Variants in DENND2C observed in about 807,000 individuals in gnomAD.
The protein encoded by DENND2C is DENN domain-containing protein 2C.
DENND2C carries 72 observed loss-of-function variants against 112.4 expected under a neutral mutation model. The observed-to-expected ratio is 0.64, with a 90% confidence interval of 0.53 to 0.78. The LOEUF (loss-of-function observed/expected upper bound fraction) is 0.78. DENND2C is among the 30% of genes least tolerant of loss of function. The pLI, the probability that DENND2C is intolerant of heterozygous loss-of-function variation, is 0.00. For missense variants in DENND2C, 992 were observed against 1,113.8 expected (o/e 0.89, Z 1.56); for synonymous variants, 329 against 381.6 (o/e 0.86, Z 1.61).
At chr1:114,617,502 G>A (rs1315929364) in intron 8 of DENND2C, among the ~76,000 whole-genome samples, 3 of 152,014 alleles carry the variant, frequency 2.0e-5, no homozygotes, top group Non-Finnish European at 4.4e-5. Context: ...GTAGAGACAG[G>A]TTTCTCTATG....
Position 114,632,597 on chromosome 1 carries a change from A to G in DENND2C, c.-204-6409T>C, listed in dbSNP as rs935006414. ...ATTTGTCAACAGCAGGCCTGCATTC[A>G]GAGCCAGTGACATAATTTATGAGTC... is the stretch of plus-strand genomic sequence containing the variant. On this transcript the variant is annotated intron_variant, in intron 3 of 20. Transcript: ENST00000393274. 5.6e-4 allele frequency among the ~76,000 whole-genome samples: 86 copies of G among 152,238 alleles called. 3 individuals are homozygous for G. Among genetic ancestry groups the G allele is most frequent in the Non-Finnish European group, 2.9e-5 (2 of 68,044 alleles).
chr1:114,610,966 A>C, intron 9 of DENND2C, 107 bp downstream of exon 9: 2 of 1,295,344 alleles, frequency 1.5e-6, no homozygotes, highest in Non-Finnish European at 2.2e-6. Flanking sequence ...TCATCTACAA[A>C]ATGGAACTTC....
At chr1:114,633,329 T>C (rs951609002) in intron 3 of DENND2C, among the ~76,000 whole-genome samples, 1 of 148,356 alleles carries the variant, frequency 6.7e-6, no homozygotes, top group Non-Finnish European at 1.5e-5. Context: ...CCAGTAATCC[T>C]AGCTACTCAA....
intron 2 of DENND2C, among the ~76,000 whole-genome samples, chr1:114,647,172 AGAGAG>A (rs1239559032): frequency 6.1e-4 from 91 of 150,246 alleles, no homozygotes; most frequent in Admixed American, 3.8e-3. Flanking sequence ...AAAAAAAAAA[AGAGAG>A]AGAGAGAGAG....
intron 11 of DENND2C, among the ~76,000 whole-genome samples, chr1:114,603,692 C>T (rs1052698579): frequency 4.0e-5 from 6 of 151,728 alleles, no homozygotes; most frequent in Non-Finnish European, 5.9e-5. Flanking sequence ...TGCACACCAC[C>T]GTGTCTGGCT....
chr1:114,589,225 C>T (rs1321558108), intron 18 of DENND2C, among the ~76,000 whole-genome samples: 2 of 152,126 alleles, frequency 1.3e-5, no homozygotes, highest in Non-Finnish European at 2.9e-5. Flanking sequence ...TTTTTCCCCC[C>T]GCCCTCTTCA....
intron 11 of DENND2C, among the ~76,000 whole-genome samples, chr1:114,604,217 A>G (rs1372478718): frequency 1.3e-5 from 2 of 152,240 alleles, no homozygotes; most frequent in African/African-American, 4.8e-5. Flanking sequence ...GAGATATTTA[A>G]GCAACAGCTG....
chr1:114,612,256 T>A (rs1409039288), intron 8 of DENND2C, among the ~76,000 whole-genome samples: 1 of 152,196 alleles, frequency 6.6e-6, no homozygotes, highest in Admixed American at 6.5e-5. Context: ...TAGTATTTAT[T>A]GATGAAGATT....
At chr1:114,663,781 A>G (rs1165527642) in intron 1 of DENND2C, among the ~76,000 whole-genome samples, 1 of 152,240 alleles carries the variant, frequency 6.6e-6, no homozygotes, top group Non-Finnish European at 1.5e-5. Flanking sequence ...GTTTTATTGG[A>G]ACACAGTCCA....
At chr1:114,611,002 C>G (rs1402783358) in intron 9 of DENND2C, 71 bp downstream of exon 9, 4 of 1,557,214 alleles carry the variant, frequency 2.6e-6, no homozygotes, top group Non-Finnish European at 3.5e-6. Flanking sequence ...TGCTTAGTCA[C>G]AAAGGTAGGT....
intron 18 of DENND2C, among the ~76,000 whole-genome samples, chr1:114,592,889 G>A (rs902858104): frequency 3.9e-5 from 6 of 151,984 alleles, no homozygotes; most frequent in African/African-American, 7.3e-5. Context: ...CTTAATCGTC[G>A]CCATACTTGG....
At chr1:114,638,501 G>A (rs965367966) in intron 3 of DENND2C, among the ~76,000 whole-genome samples, 7 of 152,268 alleles carry the variant, frequency 4.6e-5, no homozygotes, top group Non-Finnish European at 8.8e-5. Context: ...GCTCACACCT[G>A]TAATCCCAGC....
At chr1:114,609,401 T>C (rs1655752668) in intron 9 of DENND2C, among the ~76,000 whole-genome samples, 1 of 152,200 alleles carries the variant, frequency 6.6e-6, no homozygotes, top group African/African-American at 2.4e-5. Flanking sequence ...CCTTCTCTCC[T>C]TGCCACATAT....
At position 114,617,500 on chromosome 1, in the gene DENND2C, A is replaced by C. The variant is rs531514178; in HGVS notation, c.1324+886T>G. 1.8e-3 allele frequency among the ~76,000 whole-genome samples: 270 copies of C among 152,050 alleles called. 1 individual carries two copies. The highest frequency in any genetic ancestry group is 2.2e-3 in the Non-Finnish European group (150 of 67,950). On this transcript the variant is annotated intron_variant, in intron 8 of 20. Coordinates refer to ENST00000393274, the MANE Select transcript of DENND2C (RefSeq NM_001256404.2). ...TAATTTTTGTATTTTTAGTAGAGAC[A>C]GGTTTCTCTATGTTGGTCAGGCTGG... is the stretch of plus-strand genomic sequence containing the variant.
chr1:114,618,431 C>T lies in DENND2C; in HGVS notation c.1279G>A (p.Val427Ile). 1.3e-6 allele frequency: 2 copies of T among 1,594,844 alleles called. No homozygotes were observed. Among genetic ancestry groups the T allele is most frequent in the East Asian group, 2.3e-5 (1 of 44,338 alleles). ...TTTCCAGTGTAAGAATGTAACTTTA[C>T]CTTCTTCTTCCCTCTTTTAGATTCA... ...IFESKRGKKKVKLHSYTGKEL... is the reference protein window; with the variant it reads ...IFESKRGKKKIKLHSYTGKEL... The change falls in exon 8 of 21, where the codon GTA (valine) becomes ATA (isoleucine). Residue 427 changes from valine to isoleucine, a missense_variant. Around this residue, in one of 3 missense-constraint regions of DENND2C, gnomAD observed 516 missense variants for 623.6 expected, o/e 0.83. Transcript: ENST00000393274.
intron 1 of DENND2C, among the ~76,000 whole-genome samples, chr1:114,657,641 G>A (rs988400282): frequency 6.6e-6 from 1 of 152,216 alleles, no homozygotes; most frequent in East Asian, 1.9e-4. Flanking sequence ...ACAAGAGCAG[G>A]TTCAGTGGCA....
rs777155953 is a variant in DENND2C, at chr1:114,623,627, C to T, written c.823G>A (p.Glu275Lys). ...CGATTTCGAAAGTGCTGAATATCCT[C>T]AAATTCAAAGGATTTCCTTAAAAAA... ...GRSKRKSFEF[E>K]DIQHFRNRNS... is the part of the protein sequence containing the mutation. The change falls in exon 5 of 21, where the codon GAG becomes AAG. Residue 275 changes from glutamate (E) to lysine (K), a missense_variant. Coordinates refer to ENST00000393274, the MANE Select transcript of DENND2C (RefSeq NM_001256404.2). 2 of 1,596,196 alleles carry T rather than the reference C, an allele frequency of 1.3e-6. No individual in the cohort carries two copies. The highest frequency in any genetic ancestry group is 8.5e-7 in the Non-Finnish European group (1 of 1,172,552).
chr1:114,656,046 G>A (rs1040966985), intron 1 of DENND2C, among the ~76,000 whole-genome samples: 1 of 151,538 alleles, frequency 6.6e-6, no homozygotes, highest in African/African-American at 2.4e-5. Flanking sequence ...TGGTTATTAC[G>A]AAGAAAGCTG....
intron 7 of DENND2C, among the ~76,000 whole-genome samples, chr1:114,619,365 C>A (rs1269300049): frequency 6.6e-6 from 1 of 152,058 alleles, no homozygotes; most frequent in Non-Finnish European, 1.5e-5. Context: ...TACTTAATGC[C>A]TAGAATTACA....
Sources: allele counts gnomAD v4.1 joint callset (sites outside exome capture counted in the v4.1 genomes callset), GRCh38; gene constraint gnomAD v4.1.1; regional missense constraint gnomAD v4.1.1; transcripts MANE v1.5; gene names NCBI Gene and HGNC (gene_info 2026-07-23, HGNC 2026-07-21).